The following KIAA1217 variants were observed in gnomAD, a reference collection of about 807,000 sequenced individuals.
KIAA1217 encodes the protein sickle tail protein homolog.
In KIAA1217, 88 loss-of-function variants were observed where a neutral mutation model predicts 163.9. The observed-to-expected ratio is 0.54, with a 90% CI of 0.45 to 0.64. The LOEUF (loss-of-function observed/expected upper bound fraction) is 0.64, where lower values mean the gene tolerates loss of function less well. Among genes scored for constraint, KIAA1217 ranks in the 30% least tolerant of loss-of-function variants. The probability of loss-of-function intolerance (pLI) is 0.00; values close to 1 mark genes in which losing one functional copy is unlikely to be tolerated. For synonymous variants in KIAA1217, 903 were observed against 923.1 expected, an observed-to-expected ratio of 0.98 and a Z score of 0.39; for missense variants, 2,372 against 2,475.0, an observed-to-expected ratio of 0.96 and a Z score of 0.88.
intron 1 of KIAA1217, among the ~76,000 whole-genome samples, chr10:23,911,312 T>A (rs920693442): frequency 6.6e-6 from 1 of 152,168 alleles, no homozygotes; most frequent in Non-Finnish European, 1.5e-5. Context: ...CCTTTATCCC[T>A]TTGAGATACT....
chr10:24,436,521 G>T (rs1363143068), intron 4 of KIAA1217, among the ~76,000 whole-genome samples: 3 of 151,100 alleles, frequency 2.0e-5, no homozygotes, highest in Non-Finnish European at 2.9e-5. Flanking sequence ...CACTTTGGGA[G>T]GCCAAGGTGG....
At chr10:23,752,500 A>T (rs1197650278) in intron 1 of KIAA1217, among the ~76,000 whole-genome samples, 1 of 152,170 alleles carries the variant, frequency 6.6e-6, no homozygotes, top group Non-Finnish European at 1.5e-5. Flanking sequence ...TGAAAATTTG[A>T]CTATTTTTAA....
intron 3 of KIAA1217, among the ~76,000 whole-genome samples, chr10:24,399,509 A>AT (rs1467442182): frequency 6.6e-6 from 1 of 152,194 alleles, no homozygotes; most frequent in African/African-American, 2.4e-5. Context: ...GATAGTCTTT[A>AT]TTCTCATTGG....
intron 2 of KIAA1217, among the ~76,000 whole-genome samples, chr10:24,189,319 A>G (rs887346365): frequency 6.6e-6 from 1 of 152,150 alleles, no homozygotes; most frequent in African/African-American, 2.4e-5. Context: ...AGATCATAGG[A>G]TGACCCCAAA....
intron 2 of KIAA1217, among the ~76,000 whole-genome samples, chr10:24,159,646 G>A (rs1049695086): frequency 1.3e-5 from 2 of 151,982 alleles, no homozygotes; most frequent in Admixed American, 6.6e-5. Flanking sequence ...AGCTCGGCGT[G>A]CTGGCAGACC....
intron 1 of KIAA1217, among the ~76,000 whole-genome samples, chr10:23,725,713 A>G (rs1838096136): frequency 6.6e-6 from 1 of 152,196 alleles, no homozygotes; most frequent in African/African-American, 2.4e-5. Context: ...CATTTTGCTT[A>G]CATGCATGGC....
At position 23,695,669 on chromosome 10, in the gene KIAA1217, T is replaced by G. The variant is rs931543525; in HGVS notation, c.-321+435T>G. ...AGAGGGCATTGCTCTTTCTGATGGC[T>G]GGAAGACAGGGGCAAGGAGAGAGAG... On this transcript the variant is annotated intron_variant, in intron 1 of 18. Coordinates refer to the KIAA1217 transcript ENST00000376462. The surrounding 1 kb of genome is among the most constrained non-coding windows in gnomAD (Gnocchi z 4.9). 1.3e-5 allele frequency among the ~76,000 whole-genome samples: 2 copies of G among 152,088 alleles called. No homozygotes were observed. The highest frequency in any genetic ancestry group is 4.1e-4 in the South Asian group (2 of 4,820).
At chr10:24,168,687 C>T (rs886731825) in intron 2 of KIAA1217, among the ~76,000 whole-genome samples, 6 of 152,226 alleles carry the variant, frequency 3.9e-5, no homozygotes, top group African/African-American at 1.4e-4. Context: ...AAGCAGAAGA[C>T]AGGCTGTCCC....
intron 3 of KIAA1217, among the ~76,000 whole-genome samples, chr10:24,422,072 A>C (rs1342643698): frequency 1.3e-5 from 2 of 152,206 alleles, no homozygotes; most frequent in African/African-American, 4.8e-5. Context: ...CACATCTTAC[A>C]TGGTGGCAGG....
chr10:23,743,461 G>C (rs1839230048), intron 1 of KIAA1217, among the ~76,000 whole-genome samples: 2 of 152,180 alleles, frequency 1.3e-5, no homozygotes, highest in African/African-American at 2.4e-5. Flanking sequence ...TTCCCAGCAA[G>C]AGGGGACATT....
At chr10:24,041,798 CTG>C (rs1351636234) in intron 2 of KIAA1217, among the ~76,000 whole-genome samples, 1 of 152,198 alleles carries the variant, frequency 6.6e-6, no homozygotes, top group Non-Finnish European at 1.5e-5. Flanking sequence ...TGCCTGGAAA[CTG>C]AACGTGGTAT....
intron 2 of KIAA1217, among the ~76,000 whole-genome samples, chr10:24,107,250 G>GT (rs2062668600): frequency 6.6e-6 from 1 of 152,136 alleles, no homozygotes; most frequent in South Asian, 2.1e-4. Context: ...ATTCCATGGT[G>GT]TATCTGTACT....
intron 2 of KIAA1217, among the ~76,000 whole-genome samples, chr10:24,088,274 T>TAC (rs1257847458): frequency 0.07 from 7,460 of 107,116 alleles, 1,266 homozygotes; most frequent in African/African-American, 0.22. Context: ...TATATATATA[T>TAC]ACACACATAT....
At chr10:24,274,530 T>C (rs886787093) in intron 2 of KIAA1217, among the ~76,000 whole-genome samples, 1 of 152,248 alleles carries the variant, frequency 6.6e-6, no homozygotes, top group African/African-American at 2.4e-5. Context: ...TTTACATACT[T>C]ATGGCATTTT....
chr10:24,462,776 T>A (rs1167139207), intron 5 of KIAA1217, among the ~76,000 whole-genome samples: 1 of 152,090 alleles, frequency 6.6e-6, no homozygotes, highest in East Asian at 1.9e-4. Flanking sequence ...GAATATGAAG[T>A]GTCACAAGCA....
intron 1 of KIAA1217, among the ~76,000 whole-genome samples, chr10:23,720,324 G>A (rs948695344): frequency 6.6e-6 from 1 of 152,114 alleles, no homozygotes; most frequent in Non-Finnish European, 1.5e-5. Context: ...AAAACTATGT[G>A]TGTCACTTGA....
chr10:23,707,149 C>A (rs552829636), intron 1 of KIAA1217, among the ~76,000 whole-genome samples: 5 of 152,188 alleles, frequency 3.3e-5, no homozygotes, highest in African/African-American at 1.2e-4. Context: ...AGAATAATTA[C>A]AAACTAAATG....
intron 2 of KIAA1217, among the ~76,000 whole-genome samples, chr10:24,282,823 CTTTTTTTTTTTTTTTT>C (rs34486953): frequency 2.2e-5 from 1 of 46,238 alleles, no homozygotes. Flanking sequence ...GGTGTTGCTT[CTTTTTTTTTTTTTTTT>C]TTTTTTTTTT....
At position 24,309,371 on chromosome 10, in the gene KIAA1217, C is replaced by CAG. The variant is rs1242385341; in HGVS notation, c.355-71497_355-71496insGA. On this transcript the variant is annotated intron_variant, in intron 2 of 20. Coordinates refer to ENST00000376454, the MANE Select transcript of KIAA1217 (RefSeq NM_019590.5). ...GCGCGCACACACACACACACACACA[C>CAG]ACACACACGGGCTTCCATGTTCTTA... is the stretch of plus-strand genomic sequence containing the variant. Among the ~76,000 whole-genome samples, 10 of 152,154 alleles carry CAG rather than the reference C, an allele frequency of 6.6e-5. No homozygotes were observed. In the East Asian group the frequency reaches 1.9e-3, roughly 29 times the overall value.
Sources: gnomAD v4.1 joint callset for allele counts (sites outside exome capture counted in the v4.1 genomes callset) on GRCh38, gnomAD v4.1.1 for gene constraint, Gnocchi (gnomAD v3.1) non-coding constraint, MANE v1.5 for transcripts, NCBI Gene and HGNC (gene_info 2026-07-23, HGNC 2026-07-21) for gene names.